The following NYAP2 variants were observed in gnomAD, a reference collection of about 807,000 sequenced individuals.
The protein encoded by NYAP2 is neuronal tyrosine-phosphorylated phosphoinositide-3-kinase adaptor 2, also known as neuronal tyrosine-phosphorylated phosphoinositide-3-kinase adapter 2.
A neutral mutation model predicts 50.4 loss-of-function variants in NYAP2; 23 were observed. The ratio of observed to expected loss-of-function variants is 0.46; its 90% CI spans 0.33 to 0.65. NYAP2 has a LOEUF of 0.65. Among genes scored for constraint, NYAP2 ranks in the 30% least tolerant of loss-of-function variants. NYAP2 has a pLI of 0.02. For missense variants in NYAP2, 885 were observed against 861.0 expected (o/e 1.03, Z -0.35); for synonymous variants, 394 against 365.2 (o/e 1.08, Z -0.90).
intron 4 of NYAP2, among the ~76,000 whole-genome samples, chr2:225,523,947 A>G (rs1199449195): frequency 6.6e-6 from 1 of 152,130 alleles, no homozygotes; most frequent in Non-Finnish European, 1.5e-5. Context: ...ACAAAAATGT[A>G]CACTGAGGAT....
At position 225,582,684 on chromosome 2, in the gene NYAP2, A is replaced by T. The variant is rs771557195; in HGVS notation, c.1267A>T (p.Thr423Ser). The T allele has an allele frequency of 1.3e-5, 21 of 1,602,020 alleles. No individual in the cohort carries two copies. The highest frequency in any genetic ancestry group is 1.8e-5 in the Non-Finnish European group (21 of 1,173,216). Reference sequence around the variant, plus strand: ...CCCACCCCCGTCTACGCTGTACCGAACCCAGTCTCCCCATGGCTACCCTAA... The same window carrying T: ...CCCACCCCCGTCTACGCTGTACCGATCCCAGTCTCCCCATGGCTACCCTAA... Residue 423 changes from threonine (T) to serine (S), a missense_variant, in exon 5 of 7, where the codon ACC becomes TCC. Thr to Ser is a moderately conservative substitution (Grantham distance 58). Coordinates refer to ENST00000636099, the Ensembl canonical transcript of NYAP2. This position sits in a 1 kb window ranked among gnomAD's most constrained non-coding sequence, Gnocchi z 7.0.
At chr2:225,414,079 C>T (rs1464065050) in intron 3 of NYAP2, among the ~76,000 whole-genome samples, 1 of 152,182 alleles carries the variant, frequency 6.6e-6, no homozygotes, top group East Asian at 1.9e-4. Context: ...AGAATATCCT[C>T]ATCACTTTCT....
the NYAP2 span, among the ~76,000 whole-genome samples, chr2:225,690,603 T>C: frequency 2.6e-5 from 4 of 152,128 alleles, no homozygotes; most frequent in African/African-American, 7.2e-5. Flanking sequence ...GTTGACCTAA[T>C]ATTAAATCTC....
chr2:225,428,589 G>A (rs1348580993), intron 3 of NYAP2, among the ~76,000 whole-genome samples: 2 of 152,230 alleles, frequency 1.3e-5, no homozygotes, highest in Non-Finnish European at 2.9e-5. Context: ...TGACAAGCCA[G>A]ATTTGGCCTG....
In NYAP2 at chr2:225,502,193, G is replaced by T. The variant is rs76823321; in HGVS notation, c.222-11178G>T. Among the ~76,000 whole-genome samples, 14 of 152,296 alleles carry T rather than the reference G, an allele frequency of 9.2e-5. No homozygotes were observed. In the East Asian group the frequency reaches 2.7e-3, roughly 29 times the overall value. ...ACTGTAGAGAAAGATCAGCTAAGAG[G>T]CAATTGCATTAATTTAGCCAAGAAG... On this transcript the variant is annotated intron_variant, in intron 3 of 6. Coordinates refer to ENST00000636099, the Ensembl canonical transcript of NYAP2.
chr2:225,442,602 GTC>G (rs1187837856), intron 3 of NYAP2, among the ~76,000 whole-genome samples: 4 of 152,068 alleles, frequency 2.6e-5, no homozygotes, highest in African/African-American at 9.7e-5. Flanking sequence ...TTGAGACAGA[GTC>G]TCTGTCTATT....
intron 4 of NYAP2, among the ~76,000 whole-genome samples, chr2:225,562,281 C>A (rs75749247): frequency 9.7e-4 from 147 of 152,228 alleles, no homozygotes; most frequent in African/African-American, 3.5e-3. Context: ...CCATTGGAAT[C>A]TGTTCACAGA....
At chr2:225,608,177 G>A (rs1692821865) in intron 5 of NYAP2, among the ~76,000 whole-genome samples, 1 of 152,086 alleles carries the variant, frequency 6.6e-6, no homozygotes, top group Non-Finnish European at 1.5e-5. Context: ...AACACTAGTT[G>A]TTTATAAAAA....
At chr2:225,465,865 C>T (rs1396407621) in intron 3 of NYAP2, among the ~76,000 whole-genome samples, 1 of 152,196 alleles carries the variant, frequency 6.6e-6, no homozygotes, top group Non-Finnish European at 1.5e-5. Context: ...TTAATCTTTT[C>T]TTCTACACTC....
intron 4 of NYAP2, among the ~76,000 whole-genome samples, chr2:225,559,557 C>T (rs963208070): frequency 6.6e-6 from 1 of 152,058 alleles, no homozygotes; most frequent in African/African-American, 2.4e-5. Flanking sequence ...TTCAGAAACT[C>T]CTCATGAATT....
At chr2:225,533,636 C>T (rs1444384154) in intron 4 of NYAP2, among the ~76,000 whole-genome samples, 1 of 151,880 alleles carries the variant, frequency 6.6e-6, no homozygotes. Context: ...TTGCAGTGAG[C>T]CAAGATCGCA....
At chr2:225,602,375 G>A (rs1002536880) in intron 5 of NYAP2, among the ~76,000 whole-genome samples, 2 of 152,084 alleles carry the variant, frequency 1.3e-5, no homozygotes, top group South Asian at 2.1e-4. Context: ...AAAAAGGGTG[G>A]GATTTGTTTA....
At chr2:225,453,384 T>G (rs768381048) in intron 3 of NYAP2, among the ~76,000 whole-genome samples, 15 of 152,184 alleles carry the variant, frequency 9.9e-5, no homozygotes, top group Non-Finnish European at 1.6e-4. Flanking sequence ...TCAAGGGGAT[T>G]GGCTCTAAGA....
At chr2:225,639,063 G>GAAAAAA (rs57481799) in intron 6 of NYAP2, among the ~76,000 whole-genome samples, 1 of 150,216 alleles carries the variant, frequency 6.7e-6, no homozygotes. Context: ...TCATCAAAGT[G>GAAAAAA]AAAAAAAAAA....
At chr2:225,532,380 T>C (rs967595382) in intron 4 of NYAP2, among the ~76,000 whole-genome samples, 2 of 152,168 alleles carry the variant, frequency 1.3e-5, no homozygotes, top group African/African-American at 4.8e-5. Flanking sequence ...GCACTAACAG[T>C]TTCTATTATA....
intron 4 of NYAP2, among the ~76,000 whole-genome samples, chr2:225,520,700 G>A (rs542918905): frequency 5.3e-4 from 80 of 152,296 alleles, no homozygotes; most frequent in African/African-American, 1.9e-3. Flanking sequence ...TTGAAATCAG[G>A]TAGCGTGATG....
chr2:225,412,674 AAG>A (rs1695066573), intron 3 of NYAP2, among the ~76,000 whole-genome samples: 1 of 152,126 alleles, frequency 6.6e-6, no homozygotes, highest in African/African-American at 2.4e-5. Flanking sequence ...GGTGGAATTA[AAG>A]AACAATCCCT....
At chr2:225,677,727 CAT>C in the NYAP2 span, among the ~76,000 whole-genome samples, 1 of 152,050 alleles carries the variant, frequency 6.6e-6, no homozygotes, top group Non-Finnish European at 1.5e-5. Context: ...TATTGATTTG[CAT>C]ATGTTGATCC....
the NYAP2 span, among the ~76,000 whole-genome samples, chr2:225,668,972 T>G: frequency 1.4e-5 from 2 of 144,462 alleles, no homozygotes; most frequent in South Asian, 4.6e-4. Flanking sequence ...TTTTTTTTTT[T>G]TTTTTTTTTT....
Sources: gnomAD v4.1 joint callset for allele counts (sites outside exome capture counted in the v4.1 genomes callset) on GRCh38, gnomAD v4.1.1 for gene constraint, Gnocchi (gnomAD v3.1) non-coding constraint, MANE v1.5 for transcripts, NCBI Gene and HGNC (gene_info 2026-07-23, HGNC 2026-07-21) for gene names.